The following TLL1 variants were observed in gnomAD, a reference collection of about 807,000 sequenced individuals.
The protein encoded by TLL1 is tolloid-like protein 1.
A neutral mutation model predicts 128.2 loss-of-function variants in TLL1; 49 were observed. The ratio of observed to expected loss-of-function variants is 0.38; its 90% confidence interval spans 0.30 to 0.48. The LOEUF (loss-of-function observed/expected upper bound fraction) is 0.48, where lower values mean the gene tolerates loss of function less well. Among genes scored for constraint, TLL1 ranks in the 20% least tolerant of loss-of-function variants. TLL1 has a pLI of 0.96. For missense variants in TLL1, 1,123 were observed against 1,242.0 expected, an observed-to-expected ratio of 0.90 and a Z score of 1.44; for synonymous variants, 454 against 418.8, an observed-to-expected ratio of 1.08 and a Z score of -1.03.
chr4:165,953,514 T>C (rs1430189967), intron 1 of TLL1, among the ~76,000 whole-genome samples: 1 of 151,624 alleles, frequency 6.6e-6, no homozygotes, highest in African/African-American at 2.4e-5. Context: ...TTTGTTGTTG[T>C]TGCTTTCCAT....
Position 166,077,792 on chromosome 4 carries a change from T to C in TLL1, c.2315-111T>C, listed in dbSNP as rs1741101591. On this transcript the variant is annotated intron_variant, in intron 17 of 20. Coordinates refer to ENST00000061240, the MANE Select transcript of TLL1 (RefSeq NM_012464.5). ...AACCGACACGGGAGTGAAAATTAGCTGGTATTCAGGAAAATCTTTCAACAG... is the reference window on the plus strand; with the variant it reads ...AACCGACACGGGAGTGAAAATTAGCCGGTATTCAGGAAAATCTTTCAACAG... 2.1e-6 allele frequency: 3 copies of C among 1,454,302 alleles called. No homozygotes were observed. In the Admixed American group the frequency reaches 5.2e-5, roughly 25 times the overall value. 90.1% of individuals were successfully genotyped at this position (1,454,302 alleles called of 1,614,324 possible). A position where few individuals can be genotyped will look rare whatever the true frequency, so the allele number is the denominator to read the frequency against.
At chr4:165,984,350 T>C (rs1309564896) in intron 1 of TLL1, among the ~76,000 whole-genome samples, 1 of 151,980 alleles carries the variant, frequency 6.6e-6, no homozygotes, top group African/African-American at 2.4e-5. Context: ...AAAATTATTT[T>C]CTCTTTTAAC....
In TLL1 at chr4:165,926,937, CA is replaced by C. The variant is rs773729791; in HGVS notation, c.169+52870del. 1.1e-4 allele frequency among the ~76,000 whole-genome samples: 16 copies of C among 151,824 alleles called. 1 individual carries two copies. Among genetic ancestry groups the C allele is most frequent in the Admixed American group, 4.6e-4 (7 of 15,274 alleles). ...ACTAGGTTAATGTTACTCCTTTTTT[CA>C]AAAAACAGTCTCAGTTTCTTTTTCA... On this transcript the variant is annotated intron_variant, in intron 1 of 20. Transcript: ENST00000061240.
intron 1 of TLL1, among the ~76,000 whole-genome samples, chr4:165,891,299 A>G (rs1002009875): frequency 7.3e-6 from 1 of 137,834 alleles, no homozygotes; most frequent in Non-Finnish European, 1.6e-5. Flanking sequence ...TACTTATGCA[A>G]ATTTCTTCAG....
intron 2 of TLL1, among the ~76,000 whole-genome samples, chr4:165,990,051 T>C (rs1391235560): frequency 3.3e-5 from 5 of 151,956 alleles, no homozygotes; most frequent in African/African-American, 1.2e-4. Context: ...ATATAATTTT[T>C]GTAAAAACCC....
In TLL1 at chr4:165,909,852, A is replaced by G. The variant is rs79411596; in HGVS notation, c.169+35779A>G. The stretch of plus-strand genomic sequence containing the variant: ...TTACCCTCATTTTTAACATAAAGAA[A>G]CTGAGACTAGAGGTGAGAGGGTTAC... On this transcript the variant is annotated intron_variant, in intron 1 of 20. Coordinates refer to ENST00000061240, the MANE Select transcript of TLL1 (RefSeq NM_012464.5). Among the ~76,000 whole-genome samples the G allele has an allele frequency of 3.8e-3, 583 of 152,294 alleles. 5 individuals are homozygous for G. The highest frequency in any genetic ancestry group is 6.1e-3 in the Non-Finnish European group (415 of 68,008).
At chr4:165,931,579 T>C (rs868448293) in intron 1 of TLL1, among the ~76,000 whole-genome samples, 92 of 151,530 alleles carry the variant, frequency 6.1e-4, no homozygotes, top group African/African-American at 1.6e-3. Flanking sequence ...ATTAGCCGGG[T>C]GTGGTGGTGG....
chr4:165,965,053 A>T (rs1735302224), intron 1 of TLL1, among the ~76,000 whole-genome samples: 1 of 152,104 alleles, frequency 6.6e-6, no homozygotes, highest in African/African-American at 2.4e-5. Flanking sequence ...TTAATATATG[A>T]AATTATGTTG....
At chr4:166,032,589 G>A (rs988782055) in intron 9 of TLL1, among the ~76,000 whole-genome samples, 6 of 151,914 alleles carry the variant, frequency 3.9e-5, no homozygotes, top group Admixed American at 3.3e-4. Flanking sequence ...TTGGGAAAAT[G>A]GATTTTCTCA....
At chr4:165,931,176 T>G (rs1205276117) in intron 1 of TLL1, among the ~76,000 whole-genome samples, 2 of 152,152 alleles carry the variant, frequency 1.3e-5, no homozygotes, top group Non-Finnish European at 2.9e-5. Flanking sequence ...CAACAATAAT[T>G]ATATTTATTG....
rs1389945257 is a variant in TLL1 at position 166,057,196 on chromosome 4, G to A, written c.1733G>A (p.Cys578Tyr). The change falls in exon 14 of 21, where the codon TGT (cysteine) becomes TAT (tyrosine). Residue 578 changes from cysteine (C) to tyrosine (Y), a missense_variant. Physicochemically the swap from Cys to Tyr is radical, Grantham distance 194. This residue lies in a region of TLL1 where 634 missense variants were observed against 672.4 expected (regional missense o/e 0.94). Coordinates refer to ENST00000061240, the MANE Select transcript of TLL1 (RefSeq NM_012464.5). Reference sequence around the variant, plus strand: ...ACCATTTTCATAGAGGAAGATGAGTGTGCCAAACCTGACCGTGGAGGCTGT... The same window carrying A: ...ACCATTTTCATAGAGGAAGATGAGTATGCCAAACCTGACCGTGGAGGCTGT... ...AANFFKEEDE[C>Y]AKPDRGGCEQ... 1 of 1,613,820 alleles carries A rather than the reference G, an allele frequency of 6.2e-7. No homozygotes were observed. The highest frequency in any genetic ancestry group is 1.1e-5 in the South Asian group (1 of 91,070).
At chr4:165,895,736 A>G (rs72970148) in intron 1 of TLL1, among the ~76,000 whole-genome samples, 4,725 of 151,788 alleles carry the variant, frequency 0.031, 197 homozygotes, top group East Asian at 0.13. Context: ...TAAAAGAAGA[A>G]AAAGGTGGGA....
rs756162133 is a variant in TLL1, at chr4:165,992,909, A to G, written c.361+25A>G. ...GGTATATCAATGTTTAAAGTTGCAG[A>G]CGCTTGACTTGATGTACAGTAAATA... On this transcript the variant is annotated intron_variant, in intron 3 of 20. Transcript: ENST00000061240. 7.6e-6 allele frequency: 12 copies of G among 1,572,756 alleles called. No homozygotes were observed. In the South Asian group the frequency reaches 1.3e-4, roughly 17 times the overall value.
chr4:165,897,737 T>TTAAAGTAG (rs1561013482), intron 1 of TLL1, among the ~76,000 whole-genome samples: 1 of 145,056 alleles, frequency 6.9e-6, no homozygotes, highest in Non-Finnish European at 1.5e-5. Flanking sequence ...CATATGAAAT[T>TTAAAGTAG]TAAAGTAGTT....
At chr4:166,007,107 T>C (rs1237473818) in intron 6 of TLL1, among the ~76,000 whole-genome samples, 1 of 151,728 alleles carries the variant, frequency 6.6e-6, no homozygotes, top group Non-Finnish European at 1.5e-5. Context: ...TTGTACAATC[T>C]TTGGGTACTT....
chr4:165,941,956 G>A lies in TLL1; in HGVS notation c.170-47425G>A, dbSNP rs184436692. ...AATAGCAAATGATTCAATGTGTAAGGTGTCCTAGTCAATCTTGTGTTTTAA... is the reference window on the plus strand; with the variant it reads ...AATAGCAAATGATTCAATGTGTAAGATGTCCTAGTCAATCTTGTGTTTTAA... On this transcript the variant is annotated intron_variant, in intron 1 of 20. Transcript: ENST00000061240. 1.8e-3 allele frequency among the ~76,000 whole-genome samples: 271 copies of A among 152,028 alleles called. 1 individual carries two copies. Among genetic ancestry groups the A allele is most frequent in the African/African-American group, 6.2e-3 (256 of 41,510 alleles).
At chr4:166,062,846 G>T (rs912764495) in intron 15 of TLL1, among the ~76,000 whole-genome samples, 3 of 152,038 alleles carry the variant, frequency 2.0e-5, no homozygotes, top group Admixed American at 6.6e-5. Context: ...TATGATATTG[G>T]CTGTGGGTTT....
intron 1 of TLL1, among the ~76,000 whole-genome samples, chr4:165,942,270 C>T (rs1734050977): frequency 6.7e-6 from 1 of 149,978 alleles, no homozygotes; most frequent in Non-Finnish European, 1.5e-5. Context: ...CTTCCCACCA[C>T]CCTCCTTTTT....
At chr4:165,921,211 C>T (rs150508129) in intron 1 of TLL1, among the ~76,000 whole-genome samples, 14 of 152,204 alleles carry the variant, frequency 9.2e-5, no homozygotes, top group African/African-American at 3.4e-4. Flanking sequence ...GTATAACAAG[C>T]TAAATAAAAT....
Sources: gnomAD v4.1 joint callset for allele counts (sites outside exome capture counted in the v4.1 genomes callset) on GRCh38, gnomAD v4.1.1 for gene constraint, gnomAD v4.1.1 regional missense constraint, MANE v1.5 for transcripts, NCBI Gene and HGNC (gene_info 2026-07-23, HGNC 2026-07-21) for gene names.